Variants in C8orf34 observed in about 807,000 individuals in gnomAD.
C8orf34 encodes chromosome 8 open reading frame 34.
C8orf34 carries 65 observed loss-of-function variants against 68.3 expected under a neutral mutation model. The observed-to-expected ratio is 0.95, with a 90% CI of 0.78 to 1.17. The LOEUF (loss-of-function observed/expected upper bound fraction) is 1.17. Ranked by LOEUF, C8orf34 falls within the 50% of genes most tolerant of loss-of-function variation. The pLI, the probability that C8orf34 is intolerant of heterozygous loss-of-function variation, is 0.00. For missense variants in C8orf34, 664 were observed against 655.4 expected (o/e 1.01, Z -0.14); for synonymous variants, 244 against 241.2 (o/e 1.01, Z -0.11).
intron 1 of C8orf34, among the ~76,000 whole-genome samples, chr8:68,410,873 T>G (rs1400552): frequency 0.6 from 91,856 of 152,030 alleles, 28,105 homozygotes; most frequent in African/African-American, 0.72. Flanking sequence ...TAGTCCAGCT[T>G]CTCAGAATGC....
At chr8:68,530,517 T>A (rs1315347648) in intron 6 of C8orf34, 1 of 536,836 alleles carries the variant, frequency 1.9e-6, no homozygotes, top group East Asian at 7.8e-5. Context: ...AAAATTTTGT[T>A]TTGATTGGTT....
chr8:68,333,410 A>G (rs1335797531), intron 1 of C8orf34, among the ~76,000 whole-genome samples: 1 of 152,226 alleles, frequency 6.6e-6, no homozygotes. Context: ...TTTGATGTCC[A>G]CTTTAAATAA....
At chr8:68,815,743 C>G in intron 12 of C8orf34, 143 bp from the exon 13 acceptor site, 1 of 1,354,058 alleles carries the variant, frequency 7.4e-7, no homozygotes, top group Non-Finnish European at 1.0e-6. Context: ...TACAGAATGG[C>G]AGCACAGTAC....
At chr8:68,355,710 G>A (rs528622316) in intron 1 of C8orf34, among the ~76,000 whole-genome samples, 2 of 152,250 alleles carry the variant, frequency 1.3e-5, no homozygotes, top group East Asian at 3.9e-4. Flanking sequence ...GCAGTACTGG[G>A]CAGGGCAAAG....
intron 1 of C8orf34, among the ~76,000 whole-genome samples, chr8:68,403,239 T>C (rs1809037514): frequency 6.6e-6 from 1 of 151,908 alleles, no homozygotes; most frequent in African/African-American, 2.4e-5. Flanking sequence ...CAGTGATTCC[T>C]GTGTCATGCT....
intron 7 of C8orf34, among the ~76,000 whole-genome samples, chr8:68,605,961 T>C (rs779910859): frequency 2.6e-5 from 4 of 152,008 alleles, no homozygotes; most frequent in Non-Finnish European, 5.9e-5. Context: ...GTGGTGTGTG[T>C]GGGGGGCAGG....
chr8:68,647,986 T>C (rs1042820934), intron 8 of C8orf34, among the ~76,000 whole-genome samples: 2 of 152,196 alleles, frequency 1.3e-5, no homozygotes, highest in Non-Finnish European at 2.9e-5. Context: ...CCAGAACATT[T>C]TATTTTCGCC....
intron 5 of C8orf34, among the ~76,000 whole-genome samples, chr8:68,506,539 AT>A (rs560695127): frequency 2.6e-5 from 4 of 150,986 alleles, no homozygotes; most frequent in Admixed American, 6.6e-5. Flanking sequence ...TAAATGCCTG[AT>A]TTTTTTTTGC....
intron 5 of C8orf34, among the ~76,000 whole-genome samples, chr8:68,497,692 T>A (rs1237757850): frequency 6.6e-6 from 1 of 152,050 alleles, no homozygotes; most frequent in Non-Finnish European, 1.5e-5. Flanking sequence ...TGAAAGGATA[T>A]CTCTATGGAT....
chr8:68,394,178 G>A (rs1285885955), intron 1 of C8orf34, among the ~76,000 whole-genome samples: 7 of 151,308 alleles, frequency 4.6e-5, no homozygotes, highest in African/African-American at 1.5e-4. Context: ...ATGCTGGTGC[G>A]CTGCACCCAC....
intron 3 of C8orf34, among the ~76,000 whole-genome samples, chr8:68,461,994 G>A (rs1311710858): frequency 6.6e-6 from 1 of 152,190 alleles, no homozygotes; most frequent in Non-Finnish European, 1.5e-5. Flanking sequence ...ACACAGACTA[G>A]CAAATTGGAT....
intron 10 of C8orf34, among the ~76,000 whole-genome samples, chr8:68,737,804 C>T (rs778431820): frequency 1.3e-5 from 2 of 152,050 alleles, no homozygotes; most frequent in Non-Finnish European, 2.9e-5. Flanking sequence ...GCAACTTAGA[C>T]TTCCACACAA....
intron 10 of C8orf34, among the ~76,000 whole-genome samples, chr8:68,770,062 G>A (rs1458972034): frequency 6.6e-6 from 1 of 152,136 alleles, no homozygotes; most frequent in Non-Finnish European, 1.5e-5. Context: ...TACATAGTTT[G>A]CCAAGGCAGG....
At chr8:68,379,285 G>A (rs555319818) in intron 1 of C8orf34, among the ~76,000 whole-genome samples, 1 of 152,322 alleles carries the variant, frequency 6.6e-6, no homozygotes, top group East Asian at 1.9e-4. Flanking sequence ...AAATTCCAGT[G>A]TTACTTCGGT....
rs60113883 is a variant in C8orf34 at position 68,610,861 on chromosome 8, G to GTTTTTTTTT, written c.1106-29503_1106-29495dup. On this transcript the variant is annotated intron_variant, in intron 7 of 13. Transcript: ENST00000518698. ...GTTTTCTGGTTACAGTGAATCTTTG[G>GTTTTTTTTT]TTTTTTTTTTTTTTTTTTTTGAGAC... Among the ~76,000 whole-genome samples, 251 of 120,402 alleles carry GTTTTTTTTT rather than the reference G, an allele frequency of 2.1e-3. 5 individuals are homozygous for GTTTTTTTTT. Among genetic ancestry groups the GTTTTTTTTT allele is most frequent in the African/African-American group, 8.2e-3 (237 of 28,834 alleles). 79.0% of individuals were successfully genotyped at this position (120,402 alleles called of 152,430 possible).
At chr8:68,606,815 A>G (rs1198110715) in intron 7 of C8orf34, among the ~76,000 whole-genome samples, 2 of 152,132 alleles carry the variant, frequency 1.3e-5, no homozygotes, top group Non-Finnish European at 2.9e-5. Context: ...ATTCTCTGGT[A>G]CCATAGCACT....
intron 7 of C8orf34, among the ~76,000 whole-genome samples, chr8:68,605,421 C>T (rs985698038): frequency 6.6e-6 from 1 of 152,068 alleles, no homozygotes; most frequent in African/African-American, 2.4e-5. Context: ...ATGTTTATAG[C>T]AGCTTTATTC....
At chr8:68,383,279 G>A (rs558311817) in intron 1 of C8orf34, among the ~76,000 whole-genome samples, 1 of 152,192 alleles carries the variant, frequency 6.6e-6, no homozygotes, top group African/African-American at 2.4e-5. Flanking sequence ...CACATTAAGA[G>A]GGGAAACATT....
At chr8:68,726,140 C>G (rs1288819607) in intron 10 of C8orf34, among the ~76,000 whole-genome samples, 1 of 152,136 alleles carries the variant, frequency 6.6e-6, no homozygotes, top group Non-Finnish European at 1.5e-5. Flanking sequence ...AACTCCTAGC[C>G]TCAAGTGATC....
Sources: gnomAD v4.1 joint callset for allele counts (sites outside exome capture counted in the v4.1 genomes callset) on GRCh38, gnomAD v4.1.1 for gene constraint, MANE v1.5 for transcripts, NCBI Gene and HGNC (gene_info 2026-07-23, HGNC 2026-07-21) for gene names.